LDLRAD3: variants seen among roughly 807,000 people sequenced by gnomAD.
LDLRAD3 encodes low-density lipoprotein receptor class A domain-containing protein 3.
Under a neutral mutation model 29.4 loss-of-function variants are expected in LDLRAD3, and 20 were observed. The observed-to-expected ratio is 0.68, with a 90% CI of 0.48 to 0.99. The LOEUF is 0.99. Among genes scored for constraint, LDLRAD3 ranks in the 50% least tolerant of loss-of-function variants. LDLRAD3 has a pLI of 0.00. For missense variants in LDLRAD3, 420 were observed against 454.3 expected, an observed-to-expected ratio of 0.92 and a Z score of 0.69; for synonymous variants, 157 against 192.7, an observed-to-expected ratio of 0.81 and a Z score of 1.53.
intron 4 of LDLRAD3, among the ~76,000 whole-genome samples, chr11:36,191,432 A>G (rs537862906): frequency 1.3e-5 from 2 of 151,108 alleles, no homozygotes; most frequent in Non-Finnish European, 2.9e-5. Context: ...AATCCCAGCT[A>G]CTCCAGAGGC....
Position 35,974,707 on chromosome 11 carries a change from A to T in LDLRAD3, c.46+30563A>T, listed in dbSNP as rs533434174. Among the ~76,000 whole-genome samples the T allele has an allele frequency of 2.0e-5, 3 of 152,248 alleles. No individual in the cohort carries two copies. In the South Asian group the frequency reaches 6.2e-4, roughly 32 times the overall value. ...GGTCCTCCATACAGTCTCTTGTTTCATCAAATCAGCAAGAAAGAGAAGGAC... is the reference window on the plus strand; with the variant it reads ...GGTCCTCCATACAGTCTCTTGTTTCTTCAAATCAGCAAGAAAGAGAAGGAC... On this transcript the variant is annotated intron_variant, in intron 1 of 5. Coordinates refer to ENST00000315571, the MANE Select transcript of LDLRAD3 (RefSeq NM_174902.4).
At chr11:35,964,988 C>CA (rs368598047) in intron 1 of LDLRAD3, among the ~76,000 whole-genome samples, 57,445 of 137,332 alleles carry the variant, frequency 0.42, 11,477 homozygotes, top group East Asian at 0.62. Flanking sequence ...AGACTGTCTC[C>CA]AAAAAAAAAA....
intron 4 of LDLRAD3, among the ~76,000 whole-genome samples, chr11:36,199,725 C>G (rs1855094589): frequency 6.6e-6 from 1 of 152,218 alleles, no homozygotes; most frequent in African/African-American, 2.4e-5. Flanking sequence ...TGTCTTCTCC[C>G]TCTTGAGTTG....
At chr11:36,130,010 C>T (rs1853901812) in intron 4 of LDLRAD3, among the ~76,000 whole-genome samples, 1 of 152,216 alleles carries the variant, frequency 6.6e-6, no homozygotes, top group Non-Finnish European at 1.5e-5. Context: ...CCTCAGCCCC[C>T]ATAGTGGTGC....
chr11:36,204,302 G>C (rs543317532), intron 4 of LDLRAD3, among the ~76,000 whole-genome samples: 1 of 152,288 alleles, frequency 6.6e-6, no homozygotes, highest in South Asian at 2.1e-4. Context: ...ATCCGGGGCA[G>C]CATAAAGAGA....
intron 1 of LDLRAD3, chr11:35,968,357 A>C (rs1447267016): frequency 2.7e-6 from 1 of 364,370 alleles, no homozygotes; most frequent in African/African-American, 2.1e-5. Flanking sequence ...CGTCTGGCTC[A>C]GCGGGCTTTT....
At chr11:35,984,215 T>G (rs16928195) in intron 1 of LDLRAD3, among the ~76,000 whole-genome samples, 4,784 of 152,278 alleles carry the variant, frequency 0.031, 279 homozygotes, top group African/African-American at 0.11. Context: ...GCAGCTGACT[T>G]ATTTGGCCAG....
chr11:36,148,616 G>A (rs1360773216), intron 4 of LDLRAD3, among the ~76,000 whole-genome samples: 1 of 152,194 alleles, frequency 6.6e-6, no homozygotes, highest in Non-Finnish European at 1.5e-5. Flanking sequence ...TGACAGCCAA[G>A]GAGAAGGAGA....
chr11:36,087,483 T>C (rs1853213320), intron 3 of LDLRAD3, among the ~76,000 whole-genome samples: 1 of 152,118 alleles, frequency 6.6e-6, no homozygotes, highest in Non-Finnish European at 1.5e-5. Flanking sequence ...ACCCATGGAG[T>C]TCAATAAACC....
At position 36,145,190 on chromosome 11, in the gene LDLRAD3, G is replaced by A. The variant is rs79568065; in HGVS notation, c.454+46729G>A. On this transcript the variant is annotated intron_variant, in intron 4 of 5. Transcript: ENST00000315571. ...AGCCCCCCGCCCGGCCAGCTGCCCC[G>A]TCCGGGAGGGAGGTGGGGGGGTCAG... Among the ~76,000 whole-genome samples, 194 of 105,554 alleles carry A rather than the reference G, an allele frequency of 1.8e-3. 2 individuals are homozygous for A. Among genetic ancestry groups the A allele is most frequent in the Non-Finnish European group, 3.2e-3 (167 of 51,892 alleles). The allele number at this position is 105,554 out of a possible 152,430, so 69.2% of individuals were successfully genotyped here.
chr11:36,174,741 G>T (rs1359754594), intron 4 of LDLRAD3, among the ~76,000 whole-genome samples: 1 of 152,170 alleles, frequency 6.6e-6, no homozygotes, highest in African/African-American at 2.4e-5. Flanking sequence ...CAGTACTTTG[G>T]GAGGCTGAGG....
At chr11:36,047,631 G>A (rs760504555) in intron 2 of LDLRAD3, among the ~76,000 whole-genome samples, 3 of 152,162 alleles carry the variant, frequency 2.0e-5, no homozygotes, top group African/African-American at 7.2e-5. Flanking sequence ...TTTGGATGCT[G>A]TGCTTAGAGG....
chr11:35,969,603 G>A (rs1851386907), intron 1 of LDLRAD3, among the ~76,000 whole-genome samples: 1 of 152,248 alleles, frequency 6.6e-6, no homozygotes, highest in Non-Finnish European at 1.5e-5. Context: ...GGAAGCACCA[G>A]TGTTGAGGTT....
intron 1 of LDLRAD3, among the ~76,000 whole-genome samples, chr11:35,965,315 A>G (rs1851326291): frequency 6.6e-6 from 1 of 152,238 alleles, no homozygotes. Context: ...TTTAATTCTA[A>G]GAAGAGCTTG....
chr11:36,077,640 G>A (rs760086369), intron 2 of LDLRAD3, among the ~76,000 whole-genome samples: 1 of 152,216 alleles, frequency 6.6e-6, no homozygotes, highest in Non-Finnish European at 1.5e-5. Flanking sequence ...GGTGGACCAG[G>A]CATACCTTAA....
chr11:36,199,168 G>A (rs1263289188), intron 4 of LDLRAD3, among the ~76,000 whole-genome samples: 1 of 151,962 alleles, frequency 6.6e-6, no homozygotes, highest in Non-Finnish European at 1.5e-5. Context: ...CCAAAGAGCT[G>A]GGATTACAGG....
intron 4 of LDLRAD3, among the ~76,000 whole-genome samples, chr11:36,141,948 A>G (rs2133316144): frequency 6.6e-6 from 1 of 152,364 alleles, no homozygotes; most frequent in East Asian, 1.9e-4. Context: ...AAATTGCAGT[A>G]TCAGAGGTTG....
chr11:36,197,664 A>G (rs2133371472), intron 4 of LDLRAD3: 1 of 152,418 alleles, frequency 6.6e-6, no homozygotes, highest in Non-Finnish European at 1.5e-5. Flanking sequence ...GCTGGGAACA[A>G]AGTTGTCCAC....
At chr11:36,114,033 G>A (rs540959248) in intron 4 of LDLRAD3, among the ~76,000 whole-genome samples, 1 of 152,292 alleles carries the variant, frequency 6.6e-6, no homozygotes, top group South Asian at 2.1e-4. Flanking sequence ...TTATGAAAAG[G>A]CAGAAAGGGA....
Sources: gnomAD v4.1 joint callset for allele counts (sites outside exome capture counted in the v4.1 genomes callset) on GRCh38, gnomAD v4.1.1 for gene constraint, MANE v1.5 for transcripts, NCBI Gene and HGNC (gene_info 2026-07-23, HGNC 2026-07-21) for gene names.